Variants in KMT2C observed in about 807,000 individuals in gnomAD.
The protein encoded by KMT2C is histone-lysine N-methyltransferase 2C.
A neutral mutation model predicts 507.9 loss-of-function variants in KMT2C; 88 were observed. That is an observed-to-expected ratio of 0.17 (90% CI 0.15 to 0.21). The LOEUF is 0.21. Among genes scored for constraint, KMT2C ranks in the 10% least tolerant of loss-of-function variants. The pLI, the probability that KMT2C is intolerant of heterozygous loss-of-function variation, is 1.00. For missense variants in KMT2C, 4,954 were observed against 5,957.8 expected, an observed-to-expected ratio of 0.83 and a Z score of 5.55; for synonymous variants, 2,049 against 2,080.8, an observed-to-expected ratio of 0.98 and a Z score of 0.42.
chr7:152,147,944 G>T, intron 52 of KMT2C, 89 bp downstream of exon 52: 1 of 1,359,942 alleles, frequency 7.4e-7, no homozygotes, highest in Non-Finnish European at 9.9e-7. Flanking sequence ...AAACTAACAT[G>T]AGACAAACAT....
intron 10 of KMT2C, 36 bp downstream of exon 10, chr7:152,252,510 C>A (rs1409948383): frequency 2.6e-6 from 4 of 1,560,752 alleles, no homozygotes; most frequent in Non-Finnish European, 3.5e-6. Flanking sequence ...ATAAAACAAT[C>A]GACAAAACAA....
At chr7:152,309,313 ATTTTTTTTTT>A (rs1169487768) in intron 6 of KMT2C, among the ~76,000 whole-genome samples, 1 of 129,666 alleles carries the variant, frequency 7.7e-6, no homozygotes, top group Non-Finnish European at 1.6e-5. Flanking sequence ...ACACAAATTA[ATTTTTTTTTT>A]TTTTTTTTTT....
intron 6 of KMT2C, 54 bp downstream of exon 6, chr7:152,309,912 G>A: frequency 9.0e-7 from 1 of 1,106,970 alleles, no homozygotes; most frequent in Non-Finnish European, 1.4e-6. Flanking sequence ...GTGAACTTCT[G>A]ATTAAAGTGA....
intron 1 of KMT2C, among the ~76,000 whole-genome samples, chr7:152,413,645 G>A (rs1324464469): frequency 6.6e-6 from 1 of 151,276 alleles, no homozygotes; most frequent in African/African-American, 2.5e-5. Flanking sequence ...AGCACTTTGG[G>A]AGGCCGAGGC....
chr7:152,314,436 A>C (rs2096704183), intron 4 of KMT2C, among the ~76,000 whole-genome samples: 1 of 152,134 alleles, frequency 6.6e-6, no homozygotes, highest in Non-Finnish European at 1.5e-5. Context: ...TGGTCTTTAA[A>C]CACAACTGTA....
chr7:152,372,947 T>C (rs1048911321), intron 1 of KMT2C, among the ~76,000 whole-genome samples: 1 of 152,174 alleles, frequency 6.6e-6, no homozygotes, highest in Admixed American at 6.5e-5. Flanking sequence ...CCAGGATAGA[T>C]CATATGTTAG....
chr7:152,318,647 AAT>A (rs1554642045), intron 3 of KMT2C, among the ~76,000 whole-genome samples: 2,687 of 145,612 alleles, frequency 0.018, 96 homozygotes, highest in African/African-American at 0.07. Context: ...AAAAAAAAAA[AAT>A]AGGTGCAAAA....
At chr7:152,298,561 G>A (rs1223514242) in intron 6 of KMT2C, among the ~76,000 whole-genome samples, 1 of 152,150 alleles carries the variant, frequency 6.6e-6, no homozygotes, top group East Asian at 1.9e-4. Context: ...TTTCAAAAAT[G>A]AAGGTGAAAT....
chr7:152,334,204 C>G (rs1279393552), intron 2 of KMT2C, among the ~76,000 whole-genome samples: 1 of 152,138 alleles, frequency 6.6e-6, no homozygotes, highest in Admixed American at 6.5e-5. Flanking sequence ...GCCTGTAATC[C>G]CAGCACTTTG....
At chr7:152,221,098 A>T (rs28538045) in intron 22 of KMT2C, among the ~76,000 whole-genome samples, 2 of 152,172 alleles carry the variant, frequency 1.3e-5, no homozygotes, top group Admixed American at 1.3e-4. Context: ...TCTTCTAAAA[A>T]TACAACAAAT....
In KMT2C at chr7:152,330,692, T is replaced by C. The variant is rs1313266616; in HGVS notation, c.298A>G (p.Asn100Asp). Residue 100 changes from asparagine to aspartate, a missense_variant, in exon 3 of 59, where the codon AAC (asparagine) becomes GAC (aspartate). This residue lies in a region of KMT2C where 233 missense variants were observed against 263.6 expected (regional missense o/e 0.88). Transcript: ENST00000262189. ...AEEDAEAEVD[N>D]SKQLIPTLQR... ...AGAGTTGGAATTAGCTGTTTGCTGTTATCCACTTCTGCTTCAGCATCCTCT... is the reference window on the plus strand; with the variant it reads ...AGAGTTGGAATTAGCTGTTTGCTGTCATCCACTTCTGCTTCAGCATCCTCT... 1.2e-6 allele frequency: 2 copies of C among 1,613,900 alleles called. No homozygotes were observed. The highest frequency in any genetic ancestry group is 2.2e-5 in the East Asian group (1 of 44,876).
At chr7:152,175,604 G>T (rs751192926) in intron 38 of KMT2C, among the ~76,000 whole-genome samples, 56 of 152,108 alleles carry the variant, frequency 3.7e-4, no homozygotes, top group Admixed American at 6.5e-4. Context: ...TGCTGAGAAT[G>T]ATGGTTTCCA....
At chr7:152,171,485 C>T (rs2092960929) in intron 39 of KMT2C, 143 bp from the exon 40 acceptor site, 2 of 557,392 alleles carry the variant, frequency 3.6e-6, no homozygotes, top group African/African-American at 1.9e-5. Flanking sequence ...CACTAAAGCC[C>T]TACCTTTCAT....
Position 152,250,908 on chromosome 7 carries a change from C to G in KMT2C, c.1680G>C (p.Gln560His), listed in dbSNP as rs370700723. The G allele has an allele frequency of 6.2e-7, 1 of 1,612,002 alleles. No individual in the cohort carries two copies. The highest frequency in any genetic ancestry group is 8.5e-7 in the Non-Finnish European group (1 of 1,178,184). Residue 560 changes from glutamine to histidine, a missense_variant, in exon 12 of 59, where the codon CAG (glutamine) becomes CAC (histidine). This residue lies in a region of KMT2C where 376 missense variants were observed against 352.4 expected (regional missense o/e 1.07). Coordinates refer to ENST00000262189, the MANE Select transcript of KMT2C (RefSeq NM_170606.3). ...GACCGTTGACATCTTTATTAGCTGC[C>G]TGCTCTGAGAATACCATTTGATCTT... ...GPEDQMVFSEQAANKDVNGQE... is the reference protein window; with the variant it reads ...GPEDQMVFSEHAANKDVNGQE...
At position 152,135,395 on chromosome 7, in the gene KMT2C, A is replaced by C. The variant is rs2089793873; in HGVS notation, c.*1437T>G. On this transcript the variant is annotated 3_prime_UTR_variant, in exon 59 of 59. Coordinates refer to ENST00000262189, the MANE Select transcript of KMT2C (RefSeq NM_170606.3). ...AAGTTTCTACAAGCAAACACAAAAC[A>C]GTGTTTTTTTTATTAAAGAAATGTA... The C allele has an allele frequency of 4.6e-6, 1 of 217,438 alleles. No homozygotes were observed. Among genetic ancestry groups the C allele is most frequent in the Non-Finnish European group, 9.3e-6 (1 of 108,030 alleles). The allele number at this position is 217,438 out of a possible 1,614,324, so 13.5% of individuals were successfully genotyped here.
Position 152,148,529 on chromosome 7 carries a change from G to C in KMT2C, c.13398C>G (p.His4466Gln), listed in dbSNP as rs191662080. The C allele has an allele frequency of 6.2e-7, 1 of 1,614,234 alleles. No individual in the cohort carries two copies. The highest frequency in any genetic ancestry group is 1.3e-5 in the African/African-American group (1 of 75,056). ...RGLQMKCVFC[H>Q]KTGATSGCHR... Reference sequence around the variant, plus strand: ...GGCATCCACTAGTGGCACCCGTCTTGTGACAGAAGACACATTTCATTTGTA... The same window carrying C: ...GGCATCCACTAGTGGCACCCGTCTTCTGACAGAAGACACATTTCATTTGTA... The change falls in exon 52 of 59, where the codon CAC (histidine) becomes CAG (glutamine). Residue 4466 changes from histidine to glutamine, a missense_variant. By Grantham distance (24) the His-to-Gln change is conservative. Around this residue, in one of 29 missense-constraint regions of KMT2C, gnomAD observed 39 missense variants for 101.8 expected, o/e 0.38. Transcript: ENST00000262189. This position sits in a 1 kb window ranked among gnomAD's most constrained non-coding sequence, Gnocchi z 7.1.
intron 49 of KMT2C, 106 bp downstream of exon 49, chr7:152,152,599 A>G: frequency 7.3e-7 from 1 of 1,363,074 alleles, no homozygotes; most frequent in Non-Finnish European, 1.0e-6. Flanking sequence ...ACTATACGCC[A>G]GCATGTTACC....
intron 48 of KMT2C, among the ~76,000 whole-genome samples, chr7:152,153,670 G>C (rs969806565): frequency 2.0e-5 from 3 of 150,842 alleles, no homozygotes; most frequent in African/African-American, 7.3e-5. Context: ...TGAGGCTGCA[G>C]TGAGCTATGA....
At chr7:152,379,773 T>C (rs566157578) in intron 1 of KMT2C, among the ~76,000 whole-genome samples, 1 of 87,146 alleles carries the variant, frequency 1.1e-5, no homozygotes, top group East Asian at 3.3e-4. Flanking sequence ...AAAAAATAAG[T>C]ATAAAAGACA....
Sources: gnomAD v4.1 joint callset for allele counts (sites outside exome capture counted in the v4.1 genomes callset) on GRCh38, gnomAD v4.1.1 for gene constraint, gnomAD v4.1.1 regional missense constraint, Gnocchi (gnomAD v3.1) non-coding constraint, MANE v1.5 for transcripts, NCBI Gene and HGNC (gene_info 2026-07-23, HGNC 2026-07-21) for gene names.